Variants in KCNC3 observed in about 807,000 individuals in gnomAD.
KCNC3 encodes the protein potassium voltage-gated channel subfamily C member 3.
Under a neutral mutation model 43.9 loss-of-function variants are expected in KCNC3, and 22 were observed. That is an observed-to-expected ratio of 0.50 (90% CI 0.36 to 0.72). The LOEUF is 0.72. Ranked by LOEUF, KCNC3 falls within the 30% of genes least tolerant of loss-of-function variation. KCNC3 has a pLI of 0.00. For synonymous variants in KCNC3, 492 were observed against 488.0 expected, an observed-to-expected ratio of 1.01 and a Z score of -0.11; for missense variants, 829 against 1,073.8, an observed-to-expected ratio of 0.77 and a Z score of 3.19.
Position 50,323,031 on chromosome 19 carries a change from G to C in KCNC3, c.1922C>G (p.Ala641Gly). The C allele has an allele frequency of 1.9e-6, 3 of 1,545,436 alleles. No individual in the cohort carries two copies. Among genetic ancestry groups the C allele is most frequent in the Non-Finnish European group, 2.6e-6 (3 of 1,145,290 alleles). The change falls in exon 2 of 5, where the codon GCC (alanine) becomes GGC (glycine). Residue 641 changes from alanine to glycine, a missense_variant. Around this residue, in one of 7 missense-constraint regions of KCNC3, gnomAD observed 308 missense variants for 276.2 expected, o/e 1.11. Transcript: ENST00000477616. ...AGCCAACGGGCAAGGCTCGCCGGGG[G>C]CTGGCAGAGGAGGCAGCCCCATGAT... is the stretch of plus-strand genomic sequence containing the variant. ...LGIMGLPPLP[A>G]PGEPCPLAQE...
rs1374145623 is a variant in KCNC3 at position 50,313,164 on chromosome 19, T to G, written c.*2951A>C. On this transcript the variant is annotated 3_prime_UTR_variant, in exon 5 of 5. Coordinates refer to ENST00000477616, the MANE Select transcript of KCNC3 (RefSeq NM_004977.3). ...GAGGTAGCGCATCCTTGAGCCAGGATAGGAGGTGGGAAATGATTTTCCACC... is the reference window on the plus strand; with the variant it reads ...GAGGTAGCGCATCCTTGAGCCAGGAGAGGAGGTGGGAAATGATTTTCCACC... The G allele has an allele frequency of 2.0e-5, 3 of 151,836 alleles. No individual in the cohort carries two copies. The highest frequency in any genetic ancestry group is 7.2e-5 in the African/African-American group (3 of 41,390). The allele number at this position is 151,836 out of a possible 1,614,324, so 9.4% of individuals were successfully genotyped here.
At position 50,328,398 on chromosome 19, in the gene KCNC3, C is replaced by G; in HGVS notation, c.685G>C (p.Gly229Arg). 1 of 1,308,828 alleles carries G rather than the reference C, an allele frequency of 7.6e-7. No individual in the cohort carries two copies. The highest frequency in any genetic ancestry group is 9.7e-7 in the Non-Finnish European group (1 of 1,033,488). The allele number at this position is 1,308,828 out of a possible 1,614,324, so 81.1% of individuals were successfully genotyped here. A position where few individuals can be genotyped will look rare whatever the true frequency, so the allele number is the denominator to read the frequency against. Residue 229 changes from glycine (G) to arginine (R), a missense_variant, in exon 1 of 5, where the codon GGC becomes CGC. Around this residue, in one of 7 missense-constraint regions of KCNC3, gnomAD observed 60 missense variants for 56.0 expected, o/e 1.07. Transcript: ENST00000477616. ...AHDGGLDDEA[G>R]AGGGGLDGAG... Reference sequence around the variant, plus strand: ...CCGTCCAGGCCGCCGCCGCCCGCGCCCGCCTCGTCGTCCAGGCCTCCGTCG... The same window carrying G: ...CCGTCCAGGCCGCCGCCGCCCGCGCGCGCCTCGTCGTCCAGGCCTCCGTCG...
chr19:50,315,624 G>T lies in KCNC3; in HGVS notation c.*491C>A, dbSNP rs1345487183. 2.7e-5 allele frequency: 3 copies of T among 112,122 alleles called. No individual in the cohort carries two copies. Among genetic ancestry groups the T allele is most frequent in the African/African-American group, 1.0e-4 (3 of 29,242 alleles). 6.9% of individuals were successfully genotyped at this position (112,122 alleles called of 1,614,324 possible). A position where few individuals can be genotyped will look rare whatever the true frequency, so the allele number is the denominator to read the frequency against. On this transcript the variant is annotated 3_prime_UTR_variant, in exon 5 of 5. Coordinates refer to ENST00000477616, the MANE Select transcript of KCNC3 (RefSeq NM_004977.3). ...AGCTGGCAGTGCCCTTGGGGAATCCGATGAGAACTCCAGGAGCAGTGGGGG... is the reference window on the plus strand; with the variant it reads ...AGCTGGCAGTGCCCTTGGGGAATCCTATGAGAACTCCAGGAGCAGTGGGGG...
In KCNC3 at chr19:50,318,159, T is replaced by TTTCTTC. The variant is rs369929369; in HGVS notation, c.*23+2058_*23+2063dup. Among the ~76,000 whole-genome samples the TTTCTTC allele has an allele frequency of 1.8e-4, 27 of 151,664 alleles. No individual in the cohort carries two copies. The South Asian group carries it at 2.1e-3, about 12-fold the overall frequency. Reference sequence around the variant, plus strand: ...TTTTATCTTTATCTTAATTGCTTCTTTTCTTCTTCTTCTTCTTCTTCTTTT... The same window carrying TTTCTTC: ...TTTTATCTTTATCTTAATTGCTTCTTTTCTTCTTCTTCTTCTTCTTCTTCTTCTTTT... On this transcript the variant is annotated intron_variant, in intron 4 of 4. Transcript: ENST00000477616.
chr19:50,328,638 T>C lies in KCNC3; in HGVS notation c.445A>G (p.Asn149Asp). Residue 149 changes from asparagine to aspartate, a missense_variant, in exon 1 of 5, where the codon AAC becomes GAC. Asn to Asp is a conservative substitution (Grantham distance 23). Coordinates refer to ENST00000477616, the MANE Select transcript of KCNC3 (RefSeq NM_004977.3). ...RHPGVFAYVL[N>D]YYRTGKLHCP... The stretch of plus-strand genomic sequence containing the variant: ...TGCAGCTTGCCGGTGCGGTAGTAGT[T>C]GAGCACGTACGCGAAGACTCCCGGG... 1 of 1,611,400 alleles carries C rather than the reference T, an allele frequency of 6.2e-7. No individual in the cohort carries two copies. Among genetic ancestry groups the C allele is most frequent in the Non-Finnish European group, 8.5e-7 (1 of 1,179,366 alleles).
At position 50,328,548 on chromosome 19, in the gene KCNC3, T is replaced by C. The variant is rs759882212; in HGVS notation, c.535A>G (p.Thr179Ala). ...ATCCAGCAGCAGGCCTCCACGTCGG[T>C]CTCGTCGATGCCCCAGAAGCCGAGC... ...EELGFWGIDE[T>A]DVEACCWMTY... The change falls in exon 1 of 5, where the codon ACC becomes GCC. Residue 179 changes from threonine (T) to alanine (A), a missense_variant. Thr to Ala is a moderately conservative substitution (Grantham distance 58). Transcript: ENST00000477616. 4 of 1,610,688 alleles carry C rather than the reference T, an allele frequency of 2.5e-6. No homozygotes were observed. In the Admixed American group the frequency reaches 6.7e-5, roughly 27 times the overall value.
chr19:50,319,611 C>T (rs7253532), intron 4 of KCNC3, among the ~76,000 whole-genome samples: 6,931 of 152,222 alleles, frequency 0.046, 374 homozygotes, highest in African/African-American at 0.13. Flanking sequence ...CCCTGATGCC[C>T]GGCCCCATCC....
rs1452245243 is a variant in KCNC3, at chr19:50,329,295, C to G, written c.-213G>C. The G allele has an allele frequency of 5.0e-6, 1 of 198,560 alleles. No homozygotes were observed. The highest frequency in any genetic ancestry group is 6.7e-5 in the Admixed American group (1 of 14,992). The allele number at this position is 198,560 out of a possible 1,614,324, so 12.3% of individuals were successfully genotyped here. A position where few individuals can be genotyped will look rare whatever the true frequency, so the allele number is the denominator to read the frequency against. On this transcript the variant is annotated 5_prime_UTR_variant, in exon 1 of 5. Transcript: ENST00000477616. ...GCGACCCAGCTGGACGAGTCGGGGC[C>G]GCCAATGAGACGGAGCGATTGGCTC...
chr19:50,321,087 C>T (rs1463563812), intron 2 of KCNC3, among the ~76,000 whole-genome samples: 1 of 151,516 alleles, frequency 6.6e-6, no homozygotes, highest in African/African-American at 2.4e-5. Context: ...TGTGGTGGTG[C>T]AGGGAGGTGT....
Position 50,320,729 on chromosome 19 carries a change from T to C in KCNC3, c.2034A>G (p.Pro678=), listed in dbSNP as rs2037021848. Residue 678 remains proline, a synonymous_variant, in exon 3 of 5, where the codon CCA becomes CCG. Transcript: ENST00000477616. ...AAAALAHEDC[P]AIDQPAMSPE... is the part of the protein sequence containing the mutation. ...GGGACATGGCAGGCTGGTCAATGGC[T>C]GGGCAGTCCTCGTGGGCAAGCGCAG... The C allele has an allele frequency of 1.2e-6, 2 of 1,613,764 alleles. No homozygotes were observed. Among genetic ancestry groups the C allele is most frequent in the Non-Finnish European group, 1.7e-6 (2 of 1,179,948 alleles).
chr19:50,328,455 C>T lies in KCNC3; in HGVS notation c.628G>A (p.Ala210Thr). 3 of 1,587,618 alleles carry T rather than the reference C, an allele frequency of 1.9e-6. No individual in the cohort carries two copies. Among genetic ancestry groups the T allele is most frequent in the Non-Finnish European group, 2.6e-6 (3 of 1,169,584 alleles). ...CCTGCGGCGTTGGCGGCGTTGGCGG[C>T]GCCCGCGGGGTCGGGCGCCTCGAAG... is the stretch of plus-strand genomic sequence containing the variant. ...DSFEAPDPAG[A>T]ANAANAAGAH... Residue 210 changes from alanine (A) to threonine (T), a missense_variant, in exon 1 of 5, where the codon GCC becomes ACC. Around this residue, in one of 7 missense-constraint regions of KCNC3, gnomAD observed 121 missense variants for 247.4 expected, o/e 0.49. Transcript: ENST00000477616.
chr19:50,328,896 C>T lies in KCNC3; in HGVS notation c.187G>A (p.Asp63Asn). The change falls in exon 1 of 5, where the codon GAC becomes AAC. Residue 63 changes from aspartate (D) to asparagine (N), a missense_variant. Around this residue, in one of 7 missense-constraint regions of KCNC3, gnomAD observed 129 missense variants for 83.6 expected, o/e 1.54. Transcript: ENST00000477616. The part of the protein sequence containing the change: ...AGPPAPRGPG[D>N]RRAEPCPGLP... Reference sequence around the variant, plus strand: ...CCGGGGCATGGCTCGGCGCGCCGGTCCCCGGGCCCGCGGGGTGCCGGGGGG... The same window carrying T: ...CCGGGGCATGGCTCGGCGCGCCGGTTCCCGGGCCCGCGGGGTGCCGGGGGG... 3 of 987,886 alleles carry T rather than the reference C, an allele frequency of 3.0e-6. No homozygotes were observed. The highest frequency in any genetic ancestry group is 4.8e-4 in the Middle Eastern group (1 of 2,078). 61.2% of individuals were successfully genotyped at this position (987,886 alleles called of 1,614,324 possible). A position where few individuals can be genotyped will look rare whatever the true frequency, so the allele number is the denominator to read the frequency against.
upstream of KCNC3, among the ~76,000 whole-genome samples, chr19:50,330,131 G>A (rs1424786875): frequency 6.6e-6 from 1 of 152,174 alleles, no homozygotes. Flanking sequence ...GTCGGGCGTG[G>A]TTGTGGGTGC....
chr19:50,331,470 T>G (rs893439837), upstream of KCNC3, among the ~76,000 whole-genome samples: 6 of 151,448 alleles, frequency 4.0e-5, no homozygotes, highest in Non-Finnish European at 7.4e-5. Flanking sequence ...CCTTGCTCTC[T>G]GACAACCTCT....
Position 50,328,464 on chromosome 19 carries a change from G to T in KCNC3, c.619C>A (p.Pro207Thr), listed in dbSNP as rs745539027. The T allele has an allele frequency of 5.0e-6, 8 of 1,599,844 alleles. No homozygotes were observed. The highest frequency in any genetic ancestry group is 6.8e-6 in the Non-Finnish European group (8 of 1,174,810). The change falls in exon 1 of 5, where the codon CCC (proline) becomes ACC (threonine). Residue 207 changes from proline (P) to threonine (T), a missense_variant. By Grantham distance (38) the Pro-to-Thr change is conservative. Transcript: ENST00000477616. ...TTGGCGGCGTTGGCGGCGCCCGCGG[G>T]GTCGGGCGCCTCGAAGGAGTCGAGC... Reference protein sequence around the residue: ...EALDSFEAPDPAGAANAANAA... With the variant: ...EALDSFEAPDTAGAANAANAA...
Position 50,324,183 on chromosome 19 carries a change from T to G in KCNC3, c.871-101A>C, listed in dbSNP as rs182723241. 7.9e-4 allele frequency: 1,006 copies of G among 1,266,148 alleles called. 11 individuals carry two copies. The highest frequency in any genetic ancestry group is 1.5e-4 in the Non-Finnish European group (143 of 933,526). The allele number at this position is 1,266,148 out of a possible 1,614,324, so 78.4% of individuals were successfully genotyped here. The stretch of plus-strand genomic sequence containing the variant: ...TCCAGTGCCCCCTTCCCCAGCCTCC[T>G]GGGCCCAAACTCTGGGCAAAATCCA... On this transcript the variant is annotated intron_variant, in intron 1 of 4. Coordinates refer to ENST00000477616, the MANE Select transcript of KCNC3 (RefSeq NM_004977.3). This position sits in a 1 kb window ranked among gnomAD's most constrained non-coding sequence, Gnocchi z 4.1.
intron 4 of KCNC3, among the ~76,000 whole-genome samples, chr19:50,318,288 C>T: frequency 6.6e-6 from 1 of 152,066 alleles, no homozygotes. Flanking sequence ...GATTCTCCTA[C>T]CCCAGCCTCC....
chr19:50,323,207 TGGCGGGGG>T lies in KCNC3; in HGVS notation c.1738_1745del (p.Pro580ThrfsTer73), dbSNP rs2037058010. 5.9e-6 allele frequency: 7 copies of T among 1,177,674 alleles called. No homozygotes were observed. In the East Asian group the frequency reaches 1.8e-4, roughly 30 times the overall value. The allele number at this position is 1,177,674 out of a possible 1,614,324, so 73.0% of individuals were successfully genotyped here. A position where few individuals can be genotyped will look rare whatever the true frequency, so the allele number is the denominator to read the frequency against. ...TGCCGTGGTGCGGGTGGGGCGGGGG[TGGCGGGGG>T]TGGGTCAGGCTTGCAGTAGTTGGGC... is the stretch of plus-strand genomic sequence containing the variant. On this transcript the variant is annotated frameshift_variant, in exon 2 of 5. Coordinates refer to ENST00000477616, the MANE Select transcript of KCNC3 (RefSeq NM_004977.3). LOFTEE classifies it high-confidence loss of function.
At chr19:50,325,740 G>A (rs1315276283) in intron 1 of KCNC3, among the ~76,000 whole-genome samples, 1 of 152,004 alleles carries the variant, frequency 6.6e-6, no homozygotes, top group Non-Finnish European at 1.5e-5. Context: ...GGGGGGCGGG[G>A]CGCACGGCGG....
Sources: allele counts gnomAD v4.1 joint callset (sites outside exome capture counted in the v4.1 genomes callset), GRCh38; gene constraint gnomAD v4.1.1; regional missense constraint gnomAD v4.1.1; non-coding constraint Gnocchi (gnomAD v3.1); transcripts MANE v1.5; gene names NCBI Gene and HGNC (gene_info 2026-07-23, HGNC 2026-07-21).